SLC2A13: variants seen among roughly 807,000 people sequenced by gnomAD.
SLC2A13 encodes solute carrier family 2 member 13.
In SLC2A13, 32 loss-of-function variants were observed where a neutral mutation model predicts 64.4. The observed-to-expected ratio is 0.50, with a 90% CI of 0.37 to 0.67. The LOEUF is 0.67. Among genes scored for constraint, SLC2A13 ranks in the 30% least tolerant of loss-of-function variants. The pLI is 0.00. For missense variants in SLC2A13, 743 were observed against 829.2 expected (o/e 0.90, Z 1.28); for synonymous variants, 338 against 327.1 (o/e 1.03, Z -0.36).
At chr12:39,939,153 C>G (rs1000185752) in intron 4 of SLC2A13, among the ~76,000 whole-genome samples, 4 of 152,154 alleles carry the variant, frequency 2.6e-5, no homozygotes, top group Non-Finnish European at 4.4e-5. Context: ...TTTACTGCCT[C>G]TTCTTCCTTC....
intron 3 of SLC2A13, among the ~76,000 whole-genome samples, chr12:40,025,990 A>C (rs926984513): frequency 2.0e-5 from 3 of 152,202 alleles, no homozygotes; most frequent in Non-Finnish European, 4.4e-5. Context: ...TACAATACTG[A>C]TAATACAATT....
At chr12:39,768,817 A>C (rs1447345933) in intron 7 of SLC2A13, among the ~76,000 whole-genome samples, 2 of 152,122 alleles carry the variant, frequency 1.3e-5, no homozygotes, top group East Asian at 3.9e-4. Flanking sequence ...CTAAATGAGC[A>C]CATACTATTG....
intron 4 of SLC2A13, among the ~76,000 whole-genome samples, chr12:39,889,195 A>G (rs1944540569): frequency 6.6e-6 from 1 of 152,158 alleles, no homozygotes; most frequent in Non-Finnish European, 1.5e-5. Context: ...CAGATCATAT[A>G]TATCTGACAA....
chr12:39,757,507 A>G lies in SLC2A13; in HGVS notation c.*2519T>C, dbSNP rs1349921386. On this transcript the variant is annotated 3_prime_UTR_variant, in exon 10 of 10. Transcript: ENST00000280871. The stretch of plus-strand genomic sequence containing the variant: ...AATGTTCACCAAATCTAAAAATAAT[A>G]CCCTAATTGTATAAGGTTCCTTTTC... 2 of 151,586 alleles carry G rather than the reference A, an allele frequency of 1.3e-5. No homozygotes were observed. Among genetic ancestry groups the G allele is most frequent in the Non-Finnish European group, 3.0e-5 (2 of 67,678 alleles). 9.4% of individuals were successfully genotyped at this position (151,586 alleles called of 1,614,324 possible).
intron 4 of SLC2A13, among the ~76,000 whole-genome samples, chr12:39,877,203 T>C (rs1944207930): frequency 6.6e-6 from 1 of 152,138 alleles, no homozygotes; most frequent in Non-Finnish European, 1.5e-5. Flanking sequence ...GGGTAATTTA[T>C]AAATAAAAAG....
intron 3 of SLC2A13, among the ~76,000 whole-genome samples, chr12:39,965,542 C>A (rs1565565510): frequency 6.6e-6 from 1 of 152,060 alleles, no homozygotes; most frequent in Non-Finnish European, 1.5e-5. Flanking sequence ...ATTTACGTAC[C>A]AAGAAACCAA....
intron 3 of SLC2A13, among the ~76,000 whole-genome samples, chr12:40,014,945 G>A (rs749205277): frequency 2.0e-5 from 3 of 152,108 alleles, no homozygotes; most frequent in Non-Finnish European, 4.4e-5. Flanking sequence ...TTCTAAGACC[G>A]CTGAATTAAG....
chr12:39,886,012 T>C (rs1044617144), intron 4 of SLC2A13, among the ~76,000 whole-genome samples: 2 of 152,106 alleles, frequency 1.3e-5, no homozygotes, highest in African/African-American at 4.8e-5. Context: ...AAATCACTAA[T>C]TTTAAGGTTT....
intron 1 of SLC2A13, among the ~76,000 whole-genome samples, chr12:40,057,749 AAC>A (rs1948354140): frequency 6.6e-6 from 1 of 152,132 alleles, no homozygotes; most frequent in African/African-American, 2.4e-5. Context: ...ACGCAGTTGG[AAC>A]ACTATGCCTG....
intron 7 of SLC2A13, among the ~76,000 whole-genome samples, chr12:39,792,459 T>C (rs1187718863): frequency 6.6e-6 from 1 of 152,186 alleles, no homozygotes; most frequent in Non-Finnish European, 1.5e-5. Flanking sequence ...GTTTTCATAC[T>C]ATGTCTTTGA....
At chr12:40,058,072 GAT>G (rs1948361410) in intron 1 of SLC2A13, among the ~76,000 whole-genome samples, 1 of 150,834 alleles carries the variant, frequency 6.6e-6, no homozygotes, top group Non-Finnish European at 1.5e-5. Flanking sequence ...TAGATAGATA[GAT>G]AGATAGATAG....
At chr12:39,967,532 A>T (rs1374423276) in intron 3 of SLC2A13, among the ~76,000 whole-genome samples, 1 of 152,248 alleles carries the variant, frequency 6.6e-6, no homozygotes, top group Non-Finnish European at 1.5e-5. Flanking sequence ...AAATACAGCC[A>T]TGACGTAACT....
At chr12:40,024,038 C>G (rs1051762570) in intron 3 of SLC2A13, among the ~76,000 whole-genome samples, 1 of 152,236 alleles carries the variant, frequency 6.6e-6, no homozygotes, top group Non-Finnish European at 1.5e-5. Flanking sequence ...TCTCTTCACT[C>G]AACTTTGAAG....
At chr12:39,909,676 AT>A (rs1945378425) in intron 4 of SLC2A13, among the ~76,000 whole-genome samples, 1 of 152,078 alleles carries the variant, frequency 6.6e-6, no homozygotes, top group African/African-American at 2.4e-5. Context: ...AGGGGATCTG[AT>A]TTTTAATTTC....
intron 1 of SLC2A13, among the ~76,000 whole-genome samples, chr12:40,060,705 A>G (rs1409279434): frequency 6.6e-6 from 1 of 152,316 alleles, no homozygotes; most frequent in South Asian, 2.1e-4. Flanking sequence ...TCCAACAGAA[A>G]AAAGTATCTT....
chr12:39,820,672 C>A (rs920782138), intron 7 of SLC2A13, among the ~76,000 whole-genome samples: 1 of 89,348 alleles, frequency 1.1e-5, no homozygotes, highest in African/African-American at 4.4e-5. Flanking sequence ...GCTCTTCTTT[C>A]TGTGACCTAG....
At chr12:39,824,405 G>C (rs75161820) in intron 7 of SLC2A13, among the ~76,000 whole-genome samples, 1 of 152,212 alleles carries the variant, frequency 6.6e-6, no homozygotes, top group Non-Finnish European at 1.5e-5. Flanking sequence ...TTCAATCAGG[G>C]GTCAGATGAC....
chr12:39,859,127 A>G (rs1342340239), intron 6 of SLC2A13, among the ~76,000 whole-genome samples: 1 of 152,136 alleles, frequency 6.6e-6, no homozygotes, highest in Non-Finnish European at 1.5e-5. Flanking sequence ...ACCACCATCT[A>G]CAGATGAAGC....
At position 40,105,177 on chromosome 12, in the gene SLC2A13, C is replaced by G; in HGVS notation, c.556+76G>C. 7.0e-7 allele frequency: 1 copy of G among 1,435,756 alleles called. No homozygotes were observed. The highest frequency in any genetic ancestry group is 9.1e-7 in the Non-Finnish European group (1 of 1,099,886). The allele number at this position is 1,435,756 out of a possible 1,614,324, so 88.9% of individuals were successfully genotyped here. ...GAGACCAGACGGGGACCCCGATGGG[C>G]AAGAGGCACGCAACACCCAGGGTCA... On this transcript the variant is annotated intron_variant, in intron 1 of 9. Transcript: ENST00000280871. The surrounding 1 kb of genome is among the most constrained non-coding windows in gnomAD (Gnocchi z 4.2).
Sources: gnomAD v4.1 joint callset for allele counts (sites outside exome capture counted in the v4.1 genomes callset) on GRCh38, gnomAD v4.1.1 for gene constraint, Gnocchi (gnomAD v3.1) non-coding constraint, MANE v1.5 for transcripts, NCBI Gene and HGNC (gene_info 2026-07-23, HGNC 2026-07-21) for gene names.